Variants in MICAL2 observed in about 807,000 individuals in gnomAD.
The protein encoded by MICAL2 is microtubule associated monooxygenase, calponin and LIM domain containing 2.
MICAL2 carries 77 observed loss-of-function variants against 127.3 expected under a neutral mutation model. The ratio of observed to expected loss-of-function variants is 0.60; its 90% confidence interval spans 0.50 to 0.73. The LOEUF is 0.73. Among genes scored for constraint, MICAL2 ranks in the 30% least tolerant of loss-of-function variants. The pLI is 0.00. For synonymous variants in MICAL2, 570 were observed against 551.1 expected (o/e 1.03, Z -0.48); for missense variants, 1,351 against 1,434.4 (o/e 0.94, Z 0.94).
At chr11:12,288,705 C>CAAGAATGAAGT (rs1329937276), downstream of MICAL2, among the ~76,000 whole-genome samples, 1 of 152,166 alleles carries the variant, frequency 6.6e-6, no homozygotes, top group African/African-American at 2.4e-5. Flanking sequence ...AGTAAGGAAC[C>CAAGAATGAAGT]AAGGAGCGAG....
rs185915339 is a variant in MICAL2, at chr11:12,246,261, C to T, written c.2784+2149C>T. 3.9e-4 allele frequency among the ~76,000 whole-genome samples: 60 copies of T among 152,368 alleles called. No individual in the cohort carries two copies. In the East Asian group the frequency reaches 9.8e-3, roughly 25 times the overall value. Reference sequence around the variant, plus strand: ...TGTCCCCATCACATCAGCATCACACCGGCTGAGGCCCTGCCTGCTGCTGTC... The same window carrying T: ...TGTCCCCATCACATCAGCATCACACTGGCTGAGGCCCTGCCTGCTGCTGTC... On this transcript the variant is annotated intron_variant, in intron 21 of 27. Transcript: ENST00000683283.
At chr11:12,182,750 C>T (rs935051530) in intron 3 of MICAL2, among the ~76,000 whole-genome samples, 4 of 152,308 alleles carry the variant, frequency 2.6e-5, no homozygotes, top group East Asian at 1.9e-4. Context: ...AGCAGTGAGA[C>T]GTTCAGACCC....
chr11:12,226,967 A>T, intron 14 of MICAL2, 58 bp from the exon 15 acceptor site: 1 of 1,371,668 alleles, frequency 7.3e-7, no homozygotes, highest in Non-Finnish European at 1.0e-6. Flanking sequence ...CCTCCTTGTT[A>T]TAGCCATACT....
chr11:12,262,889 G>A, intron 27 of MICAL2: 1 of 213,628 alleles, frequency 4.7e-6, no homozygotes, highest in East Asian at 1.1e-4. Flanking sequence ...CCATGAGGGG[G>A]CCTCTGTCAC....
At chr11:12,112,274 C>CA (rs1849668675) in intron 1 of MICAL2, among the ~76,000 whole-genome samples, 1 of 152,198 alleles carries the variant, frequency 6.6e-6, no homozygotes, top group Non-Finnish European at 1.5e-5. Context: ...ACCAGGATTT[C>CA]AGGGGATGCT....
At chr11:12,204,576 A>T (rs1854430924) in intron 4 of MICAL2, 119 bp downstream of exon 4, 25 of 980,976 alleles carry the variant, frequency 2.5e-5, no homozygotes, top group Non-Finnish European at 3.8e-5. Flanking sequence ...GGCACCATAT[A>T]TCAGACTAAC....
At chr11:12,200,574 T>C (rs1162868520) in intron 3 of MICAL2, among the ~76,000 whole-genome samples, 1 of 152,260 alleles carries the variant, frequency 6.6e-6, no homozygotes, top group Non-Finnish European at 1.5e-5. Flanking sequence ...GCCATCTCTC[T>C]GGCCTTGATA....
chr11:12,311,871 C>T (rs1037985478), intron 29 of MICAL2, among the ~76,000 whole-genome samples: 3 of 152,094 alleles, frequency 2.0e-5, no homozygotes, highest in Non-Finnish European at 4.4e-5. Flanking sequence ...TAACCTAGAA[C>T]TGTTTTTGTG....
chr11:12,210,301 A>G (rs1855283012), intron 6 of MICAL2, among the ~76,000 whole-genome samples: 1 of 152,160 alleles, frequency 6.6e-6, no homozygotes, highest in African/African-American at 2.4e-5. Context: ...GGCTGTACTC[A>G]TTGATATTAA....
At position 12,258,456 on chromosome 11, in the gene MICAL2, C is replaced by T; in HGVS notation, c.3143-12C>T. On this transcript the variant is annotated splice_polypyrimidine_tract_variant and intron_variant, in intron 24 of 27. Transcript: ENST00000683283. ...GAAAAATTTTTCTGTATGTGTGTGCCTCTTTTTACAGGCAAATTTTACTGC... is the reference window on the plus strand; with the variant it reads ...GAAAAATTTTTCTGTATGTGTGTGCTTCTTTTTACAGGCAAATTTTACTGC... 1 of 1,612,554 alleles carries T rather than the reference C, an allele frequency of 6.2e-7. No individual in the cohort carries two copies. Among genetic ancestry groups the T allele is most frequent in the Non-Finnish European group, 8.5e-7 (1 of 1,178,582 alleles).
At chr11:12,256,529 G>C in intron 23 of MICAL2, 1 of 381,168 alleles carries the variant, frequency 2.6e-6, no homozygotes, top group South Asian at 5.1e-5. Flanking sequence ...AGCCAACCTC[G>C]GGGAGAGCCC....
chr11:12,298,805 G>A (rs1171115932), intron 29 of MICAL2, among the ~76,000 whole-genome samples: 2 of 151,938 alleles, frequency 1.3e-5, no homozygotes, highest in Admixed American at 6.6e-5. Context: ...GTAGATTTAT[G>A]GGTATTGAAC....
chr11:12,361,338 G>A (rs1388752071), downstream of MICAL2, among the ~76,000 whole-genome samples: 1 of 152,184 alleles, frequency 6.6e-6, no homozygotes, highest in African/African-American at 2.4e-5. Flanking sequence ...CCCTGTGCCA[G>A]ATGCTGAGAT....
intron 1 of MICAL2, among the ~76,000 whole-genome samples, chr11:12,120,114 A>T (rs1280244177): frequency 6.6e-6 from 1 of 152,158 alleles, no homozygotes; most frequent in South Asian, 2.1e-4. Context: ...GGCTGGTCTC[A>T]GTCCCAAGAT....
At chr11:12,193,068 C>T (rs1023146060) in intron 3 of MICAL2, among the ~76,000 whole-genome samples, 3 of 152,180 alleles carry the variant, frequency 2.0e-5, no homozygotes, top group African/African-American at 7.2e-5. Flanking sequence ...ACCACCATAT[C>T]CGCTATTTTC....
At chr11:12,216,911 A>G (rs900563939) in intron 8 of MICAL2, among the ~76,000 whole-genome samples, 5 of 152,146 alleles carry the variant, frequency 3.3e-5, no homozygotes, top group African/African-American at 1.2e-4. Context: ...ATATATATAG[A>G]GCACCTGGCA....
intron 22 of MICAL2, chr11:12,249,851 C>T (rs1861302678): frequency 6.6e-6 from 1 of 152,308 alleles, no homozygotes; most frequent in Non-Finnish European, 1.5e-5. Flanking sequence ...CAAACAGGGC[C>T]TGGAGCCTGC....
intron 13 of MICAL2, 108 bp downstream of exon 13, chr11:12,224,928 A>G (rs536181141): frequency 6.7e-6 from 9 of 1,352,834 alleles, no homozygotes; most frequent in African/African-American, 5.8e-5. Context: ...CTGTGTTTCA[A>G]TTTGAGATTT....
At chr11:12,294,825 C>G (rs752050797), downstream of MICAL2, 5 of 1,519,000 alleles carry the variant, frequency 3.3e-6, no homozygotes, top group Non-Finnish European at 4.4e-6. Context: ...CCTCCTCCTC[C>G]TCCTCCTCCT....
Sources: gnomAD v4.1 joint callset for allele counts (sites outside exome capture counted in the v4.1 genomes callset) on GRCh38, gnomAD v4.1.1 for gene constraint, MANE v1.5 for transcripts, NCBI Gene and HGNC (gene_info 2026-07-23, HGNC 2026-07-21) for gene names.